Variants in DHX29 observed in about 807,000 individuals in gnomAD.
DHX29 encodes the protein ATP-dependent RNA helicase DHX29.
A neutral mutation model predicts 167.9 loss-of-function variants in DHX29; 79 were observed. The observed-to-expected ratio is 0.47, with a 90% CI of 0.39 to 0.57. The LOEUF is 0.57. Ranked by LOEUF, DHX29 falls within the 20% of genes least tolerant of loss-of-function variation. The probability of loss-of-function intolerance (pLI) is 0.00; values close to 1 mark genes in which losing one functional copy is unlikely to be tolerated. For synonymous variants in DHX29, 530 were observed against 546.0 expected, an observed-to-expected ratio of 0.97 and a Z score of 0.41; for missense variants, 1,347 against 1,593.4, an observed-to-expected ratio of 0.85 and a Z score of 2.63.
intron 6 of DHX29, among the ~76,000 whole-genome samples, chr5:55,293,556 T>C (rs1232611496): frequency 6.6e-6 from 1 of 152,178 alleles, no homozygotes; most frequent in Non-Finnish European, 1.5e-5. Context: ...GAGGTGTCTA[T>C]TTTTAAAGGT....
chr5:55,265,107 A>C (rs231366), intron 23 of DHX29, among the ~76,000 whole-genome samples: 1 of 133,616 alleles, frequency 7.5e-6, no homozygotes, highest in Non-Finnish European at 1.6e-5. Context: ...AAAAAAAAAA[A>C]CAAAGATGAA....
intron 20 of DHX29, 142 bp downstream of exon 20, chr5:55,270,270 A>AT: frequency 1.1e-6 from 1 of 929,902 alleles, no homozygotes; most frequent in South Asian, 1.9e-5. Flanking sequence ...TTTACTTATA[A>AT]TAAGATGGAT....
At chr5:55,290,880 G>A (rs1748009621) in intron 6 of DHX29, among the ~76,000 whole-genome samples, 1 of 151,984 alleles carries the variant, frequency 6.6e-6, no homozygotes, top group South Asian at 2.1e-4. Context: ...CTGGGTGTGG[G>A]GGTGGATGCC....
At chr5:55,283,953 T>C in intron 10 of DHX29, 142 bp from the exon 11 acceptor site, 1 of 590,072 alleles carries the variant, frequency 1.7e-6, no homozygotes. Flanking sequence ...TGTATGTGTA[T>C]GATGCAAATT....
intron 10 of DHX29, among the ~76,000 whole-genome samples, chr5:55,284,865 TAC>T (rs568567010): frequency 5.6e-4 from 86 of 152,310 alleles, no homozygotes; most frequent in South Asian, 3.7e-3. Context: ...CCTGTCTCTA[TAC>T]AACTTTTTTA....
intron 11 of DHX29, chr5:55,282,966 T>C (rs896975186): frequency 9.2e-5 from 31 of 336,258 alleles, no homozygotes; most frequent in Non-Finnish European, 1.1e-4. Flanking sequence ...TTATAGTTAA[T>C]ATATTTTTTC....
rs532519565 is a variant in DHX29 at position 55,276,484 on chromosome 5, C to T, written c.2287-78G>A. 56 of 1,135,098 alleles carry T rather than the reference C, an allele frequency of 4.9e-5. No homozygotes were observed. In the African/African-American group the frequency reaches 6.2e-4, roughly 13 times the overall value. The allele number at this position is 1,135,098 out of a possible 1,614,324, so 70.3% of individuals were successfully genotyped here. A position where few individuals can be genotyped will look rare whatever the true frequency, so the allele number is the denominator to read the frequency against. On this transcript the variant is annotated intron_variant, in intron 13 of 26. Coordinates refer to ENST00000251636, the MANE Select transcript of DHX29 (RefSeq NM_019030.4). ...ATCATTTTAAAGAGAACAGGGGACA[C>T]CACCTTTTGAATGTCACCAAATGTT...
chr5:55,291,574 A>ACAC, intron 6 of DHX29, among the ~76,000 whole-genome samples: 1 of 152,306 alleles, frequency 6.6e-6, no homozygotes, highest in East Asian at 1.9e-4. Flanking sequence ...GTTCAGTGGT[A>ACAC]TTAAATACAT....
chr5:55,283,644 CTGT>C lies in DHX29; in HGVS notation c.1521_1523del (p.Gln508del). 6.2e-7 allele frequency: 1 copy of C among 1,614,084 alleles called. No homozygotes were observed. Among genetic ancestry groups the C allele is most frequent in the African/African-American group, 1.3e-5 (1 of 75,032 alleles). On this transcript the variant is annotated inframe_deletion, in exon 11 of 27. Transcript: ENST00000251636. ...AGTTTTCTCTCTTATTTTCAGAATG[CTGT>C]TGTTGCTGCTGTTGCTGCTGTTTCA...
chr5:55,290,369 G>A, intron 6 of DHX29, 25 bp from the exon 7 acceptor site: 2 of 1,549,574 alleles, frequency 1.3e-6, no homozygotes, highest in South Asian at 1.2e-5. Context: ...ACAATGAGGA[G>A]GGGGAAAAAA....
chr5:55,301,713 C>CAAAAAAAAAAAAAAAA (rs70992777), intron 1 of DHX29, among the ~76,000 whole-genome samples: 6 of 64,740 alleles, frequency 9.3e-5, no homozygotes, highest in Admixed American at 1.9e-4. Flanking sequence ...AACTCCATCT[C>CAAAAAAAAAAAAAAAA]AAAAAAAAAA....
intron 1 of DHX29, among the ~76,000 whole-genome samples, chr5:55,299,790 C>T (rs1268656811): frequency 6.6e-6 from 1 of 152,154 alleles, no homozygotes; most frequent in Non-Finnish European, 1.5e-5. Context: ...AACAAGGTCA[C>T]ATTCTGAGGT....
chr5:55,298,158 G>A (rs899538524), intron 2 of DHX29, among the ~76,000 whole-genome samples: 8 of 151,676 alleles, frequency 5.3e-5, no homozygotes, highest in Non-Finnish European at 1.0e-4. Context: ...ACTTCATAGA[G>A]GTCACAGAGG....
At chr5:55,295,999 T>C (rs1220267858) in intron 4 of DHX29, among the ~76,000 whole-genome samples, 2 of 152,202 alleles carry the variant, frequency 1.3e-5, no homozygotes, top group Non-Finnish European at 2.9e-5. Context: ...ATTAAGGACA[T>C]AGCAAAATAA....
At chr5:55,300,438 G>A (rs147062995) in intron 1 of DHX29, among the ~76,000 whole-genome samples, 26 of 152,098 alleles carry the variant, frequency 1.7e-4, no homozygotes, top group African/African-American at 3.6e-4. Flanking sequence ...CTTGGGACGC[G>A]GAGGCGGGCA....
chr5:55,269,429 C>T lies in DHX29; in HGVS notation c.3278G>A (p.Gly1093Asp). 1 of 1,612,764 alleles carries T rather than the reference C, an allele frequency of 6.2e-7. No homozygotes were observed. The highest frequency in any genetic ancestry group is 8.5e-7 in the Non-Finnish European group (1 of 1,179,976). The stretch of plus-strand genomic sequence containing the variant: ...TTGACTTACCACTGGGTCAAGGCAG[C>T]CAAATATGGCACCAAAAATAAGCAT... ...GKMLIFGAIF[G>D]CLDPVATLAA... Residue 1093 changes from glycine (G) to aspartate (D), a missense_variant, in exon 21 of 27, where the codon GGC (glycine) becomes GAC (aspartate). Physicochemically the swap from Gly to Asp is moderately conservative, Grantham distance 94 (BLOSUM62 -1). Around this residue, in one of 3 missense-constraint regions of DHX29, gnomAD observed 882 missense variants for 1,082.4 expected, o/e 0.81. Coordinates refer to ENST00000251636, the MANE Select transcript of DHX29 (RefSeq NM_019030.4).
At chr5:55,263,309 C>T (rs188227221) in intron 23 of DHX29, among the ~76,000 whole-genome samples, 3 of 152,224 alleles carry the variant, frequency 2.0e-5, no homozygotes, top group East Asian at 1.9e-4. Flanking sequence ...AATCTTGATC[C>T]TAGATTGCAA....
Position 55,283,472 on chromosome 5 carries a change from G to A in DHX29, c.1696C>T (p.Leu566=), listed in dbSNP as rs1453118360. The part of the protein sequence containing the change: ...LQSTPKYQKL[L]KERQQLPVFK... ...ACAGGTAGCTGTTGTCTTTCCTTTA[G>A]AAGTTTCTGATACTTAGGTGTGCTT... is the stretch of plus-strand genomic sequence containing the variant. Residue 566 remains leucine (L), a synonymous_variant, in exon 11 of 27, where the codon CTA becomes TTA. Transcript: ENST00000251636. The A allele has an allele frequency of 6.2e-7, 1 of 1,614,130 alleles. No individual in the cohort carries two copies. The highest frequency in any genetic ancestry group is 8.5e-7 in the Non-Finnish European group (1 of 1,180,026).
At chr5:55,293,058 T>A (rs1748131211) in intron 6 of DHX29, among the ~76,000 whole-genome samples, 1 of 152,232 alleles carries the variant, frequency 6.6e-6, no homozygotes, top group African/African-American at 2.4e-5. Flanking sequence ...CAGCTTCTTG[T>A]GTCTCTTTCC....
Sources: gnomAD v4.1 joint callset for allele counts (sites outside exome capture counted in the v4.1 genomes callset) on GRCh38, gnomAD v4.1.1 for gene constraint, gnomAD v4.1.1 regional missense constraint, MANE v1.5 for transcripts, NCBI Gene and HGNC (gene_info 2026-07-23, HGNC 2026-07-21) for gene names.